Variants in POR observed in about 807,000 individuals in gnomAD.
The protein encoded by POR is cytochrome p450 oxidoreductase, also known as NADPH--cytochrome P450 reductase.
Under a neutral mutation model 84.0 loss-of-function variants are expected in POR, and 56 were observed. That is an observed-to-expected ratio of 0.67 (90% confidence interval 0.54 to 0.83). The LOEUF (loss-of-function observed/expected upper bound fraction) is 0.83. Ranked by LOEUF, POR falls within the 40% of genes least tolerant of loss-of-function variation. The pLI is 0.00. For synonymous variants in POR, 414 were observed against 400.5 expected, an observed-to-expected ratio of 1.03 and a Z score of -0.40; for missense variants, 938 against 944.3, an observed-to-expected ratio of 0.99 and a Z score of 0.09.
At chr7:75,970,379 C>G (rs555347024) in intron 2 of POR, among the ~76,000 whole-genome samples, 2 of 151,736 alleles carry the variant, frequency 1.3e-5, no homozygotes, top group Non-Finnish European at 2.9e-5. Context: ...ATGATCGCAC[C>G]GCACGGTCAT....
chr7:75,935,472 C>G (rs1386054675), intron 1 of POR, among the ~76,000 whole-genome samples: 1 of 152,110 alleles, frequency 6.6e-6, no homozygotes, highest in East Asian at 1.9e-4. Context: ...GTCTCGAATC[C>G]TGACCTCAGG....
At position 75,979,432 on chromosome 7, in the gene POR, C is replaced by T. The variant is rs184964276; in HGVS notation, c.238-19C>T. ...CTGAGGTCTGTGGCCCTCACCAACC[C>T]TGTGTCTGCCTTCCTTAGGGGAGGA... On this transcript the variant is annotated intron_variant, in intron 3 of 15. Transcript: ENST00000461988. 5 of 1,611,020 alleles carry T rather than the reference C, an allele frequency of 3.1e-6. No individual in the cohort carries two copies. Among genetic ancestry groups the T allele is most frequent in the Admixed American group, 1.7e-5 (1 of 59,618 alleles).
intron 1 of POR, among the ~76,000 whole-genome samples, chr7:75,950,883 C>A (rs192121156): frequency 0.011 from 1,597 of 150,960 alleles, 34 homozygotes; most frequent in African/African-American, 0.037. Context: ...CATGGTGAAA[C>A]TCCATCTCTA....
chr7:75,980,289 T>TG lies in POR; in HGVS notation c.367-49dup, dbSNP rs782256927. ...TCCCCATCTGGTGCGGGTTGAACCT[T>TG]GAACAGGCTCAGTCATGGCCGGGGC... On this transcript the variant is annotated intron_variant, in intron 4 of 15. Transcript: ENST00000461988. 5 of 1,586,364 alleles carry TG rather than the reference T, an allele frequency of 3.2e-6. No individual in the cohort carries two copies. The East Asian group carries it at 1.1e-4, about 36-fold the overall frequency.
intron 1 of POR, among the ~76,000 whole-genome samples, chr7:75,940,715 C>T (rs1319774188): frequency 2.6e-5 from 4 of 151,384 alleles, no homozygotes; most frequent in African/African-American, 4.9e-5. Flanking sequence ...ACCCAGGAGG[C>T]GGAGCTTGCT....
Position 75,985,705 on chromosome 7 carries a change from C to T in POR, c.1525C>T (p.Arg509Cys), listed in dbSNP as rs374141883. ...GGAGCCTGCCGGGGAGAACGGCGGC[C>T]GTGCGCTGGTGCCCATGTTCGTGCG... Residue 509 changes from arginine (R) to cysteine (C), a missense_variant, in exon 13 of 16, where the codon CGT (arginine) becomes TGT (cysteine). Transcript: ENST00000461988. 9.8e-5 allele frequency: 156 copies of T among 1,587,626 alleles called. 1 individual carries two copies. The African/African-American group carries it at 1.3e-3, about 13-fold the overall frequency.
intron 2 of POR, among the ~76,000 whole-genome samples, chr7:75,964,950 G>A (rs1212619290): frequency 6.6e-6 from 1 of 152,194 alleles, no homozygotes; most frequent in African/African-American, 2.4e-5. Flanking sequence ...GCAGGAGTTG[G>A]AGGCTGCAGT....
chr7:75,979,510 C>T lies in POR; in HGVS notation c.297C>T (p.Asn99=). Residue 99 remains asparagine (N), a synonymous_variant, in exon 4 of 16, where the codon AAC becomes AAT. Coordinates refer to ENST00000461988, the MANE Select transcript of POR (RefSeq NM_000941.3). ...CGGGGACTGCAGAGGAGTTTGCCAA[C>T]CGCCTGTCCAAGGACGCCCACCGCT... is the stretch of plus-strand genomic sequence containing the variant. The T allele has an allele frequency of 6.2e-7, 1 of 1,613,504 alleles. No homozygotes were observed. Among genetic ancestry groups the T allele is most frequent in the Non-Finnish European group, 8.5e-7 (1 of 1,179,834 alleles).
intron 1 of POR, among the ~76,000 whole-genome samples, chr7:75,942,904 T>G (rs1347176978): frequency 6.6e-6 from 1 of 151,886 alleles, no homozygotes; most frequent in Admixed American, 6.6e-5. Flanking sequence ...CCAAAGCGAT[T>G]TAGTATTTGG....
At chr7:75,966,215 C>T (rs1788174954) in intron 2 of POR, among the ~76,000 whole-genome samples, 1 of 152,172 alleles carries the variant, frequency 6.6e-6, no homozygotes, top group Non-Finnish European at 1.5e-5. Context: ...TGACCTGTGG[C>T]CACTCACACC....
Position 75,918,383 on chromosome 7 carries a change from C to T in POR, c.-5+3204C>T, listed in dbSNP as rs533524164. On this transcript the variant is annotated intron_variant, in intron 1 of 15. Coordinates refer to ENST00000461988, the MANE Select transcript of POR (RefSeq NM_000941.3). ...CTGGCATTGGGCAGAAATTTGGACC[C>T]GCCGGGCAGGTGGGAGAAGCATCTG... Among the ~76,000 whole-genome samples the T allele has an allele frequency of 8.1e-4, 124 of 152,228 alleles. 3 individuals carry two copies. The South Asian group carries it at 0.01, about 13-fold the overall frequency.
At chr7:75,965,495 C>T (rs1554555099) in intron 2 of POR, among the ~76,000 whole-genome samples, 1 of 152,178 alleles carries the variant, frequency 6.6e-6, no homozygotes, top group African/African-American at 2.4e-5. Flanking sequence ...TTGTCATGGC[C>T]ACCCCAGCCC....
intron 1 of POR, among the ~76,000 whole-genome samples, chr7:75,946,511 C>T (rs190946061): frequency 1.3e-5 from 2 of 152,264 alleles, no homozygotes. Context: ...TGGTCTCAAA[C>T]TCCTGAGCTC....
intron 3 of POR, among the ~76,000 whole-genome samples, chr7:75,978,466 G>A (rs552501118): frequency 1.3e-5 from 2 of 152,222 alleles, no homozygotes; most frequent in South Asian, 4.1e-4. Flanking sequence ...GATGTGTGTA[G>A]GCTACACACA....
At position 75,979,660 on chromosome 7, in the gene POR, G is replaced by C. The variant is rs754602462; in HGVS notation, c.366+81G>C. On this transcript the variant is annotated intron_variant, in intron 4 of 15. Transcript: ENST00000461988. The stretch of plus-strand genomic sequence containing the variant: ...AGGTCTGTAGGGCGCCCCTCAGCAG[G>C]GGGAGGCCGGCAGGGAGTGGGGTCC... 1,448 of 1,563,546 alleles carry C rather than the reference G, an allele frequency of 9.3e-4. 2 individuals are homozygous for C. Among genetic ancestry groups the C allele is most frequent in the Admixed American group, 2.0e-3 (115 of 58,100 alleles).
intron 10 of POR, among the ~76,000 whole-genome samples, chr7:75,984,350 G>T (rs1394869609): frequency 6.6e-6 from 1 of 152,138 alleles, no homozygotes; most frequent in African/African-American, 2.4e-5. Flanking sequence ...TGAAGCCCTC[G>T]GACCCCACTG....
chr7:75,949,564 G>A (rs1787323019), intron 1 of POR, among the ~76,000 whole-genome samples: 1 of 151,984 alleles, frequency 6.6e-6, no homozygotes, highest in South Asian at 2.1e-4. Context: ...CCAGGCTGGA[G>A]TCTGGAGTGC....
intron 1 of POR, among the ~76,000 whole-genome samples, chr7:75,927,963 G>C (rs1554549725): frequency 6.9e-6 from 1 of 144,282 alleles, no homozygotes; most frequent in African/African-American, 2.7e-5. Flanking sequence ...CTCTATCTCA[G>C]GTTTCTTTTT....
Position 75,986,372 on chromosome 7 carries a change from C to A in POR, c.1934C>A (p.Thr645Asn), listed in dbSNP as rs782718023. ...AACATGGCCAGGGATGTGCAGAACA[C>A]CTTCTACGACATCGTGGCTGAGCTC... Residue 645 changes from threonine to asparagine, a missense_variant, in exon 16 of 16, where the codon ACC becomes AAC. Physicochemically the swap from Thr to Asn is moderately conservative, Grantham distance 65. Transcript: ENST00000461988. 1.9e-6 allele frequency: 3 copies of A among 1,612,598 alleles called. No individual in the cohort carries two copies. The highest frequency in any genetic ancestry group is 1.7e-5 in the Admixed American group (1 of 60,020).
Sources: gnomAD v4.1 joint callset for allele counts (sites outside exome capture counted in the v4.1 genomes callset) on GRCh38, gnomAD v4.1.1 for gene constraint, MANE v1.5 for transcripts, NCBI Gene and HGNC (gene_info 2026-07-23, HGNC 2026-07-21) for gene names.